Variants in IGF1R observed in about 807,000 individuals in gnomAD.
IGF1R encodes insulin-like growth factor 1 receptor.
IGF1R carries 44 observed loss-of-function variants against 144.6 expected under a neutral mutation model. The observed-to-expected ratio is 0.30, with a 90% CI of 0.24 to 0.39. The LOEUF (loss-of-function observed/expected upper bound fraction) is 0.39, where lower values mean the gene tolerates loss of function less well. IGF1R is among the 10% of genes least tolerant of loss of function. The pLI is 1.00. For missense variants in IGF1R, 1,355 were observed against 1,833.7 expected (o/e 0.74, Z 4.77); for synonymous variants, 795 against 722.8 (o/e 1.10, Z -1.60).
chr15:98,779,728 G>C (rs917167428), intron 2 of IGF1R, among the ~76,000 whole-genome samples: 3 of 152,170 alleles, frequency 2.0e-5, no homozygotes, highest in East Asian at 1.9e-4. Flanking sequence ...AGGACATTCC[G>C]TCTGCGGGGA....
chr15:98,936,585 A>AT (rs2151710184), intron 17 of IGF1R, among the ~76,000 whole-genome samples: 1 of 150,080 alleles, frequency 6.7e-6, no homozygotes, highest in Non-Finnish European at 1.5e-5. Context: ...CCCTTTGGAA[A>AT]TTCTTTTGCT....
rs144670460 is a variant in IGF1R, at chr15:98,845,369, C to G, written c.641-45956C>G. Among the ~76,000 whole-genome samples, 962 of 150,444 alleles carry G rather than the reference C, an allele frequency of 6.4e-3. 11 individuals are homozygous for G. Among genetic ancestry groups the G allele is most frequent in the African/African-American group, 0.022 (902 of 40,856 alleles). ...TCCCAACTTCCCTTCTCATATTCTT[C>G]TCTCTCCTCCTCCTCCCCTCCCTCC... On this transcript the variant is annotated intron_variant, in intron 2 of 20. Transcript: ENST00000650285.
At chr15:98,733,175 T>C (rs1345374817) in intron 2 of IGF1R, among the ~76,000 whole-genome samples, 1 of 152,152 alleles carries the variant, frequency 6.6e-6, no homozygotes, top group Non-Finnish European at 1.5e-5. Flanking sequence ...TGAAGGCTCC[T>C]CCGAGTCTCC....
intron 1 of IGF1R, among the ~76,000 whole-genome samples, chr15:98,653,796 A>G (rs1268437526): frequency 2.0e-5 from 3 of 152,156 alleles, no homozygotes; most frequent in Non-Finnish European, 4.4e-5. Context: ...TTGTTGCAAG[A>G]TCAGGGCAGT....
chr15:98,919,412 G>A (rs1407099268), intron 10 of IGF1R, among the ~76,000 whole-genome samples: 3 of 152,182 alleles, frequency 2.0e-5, no homozygotes, highest in African/African-American at 7.2e-5. Flanking sequence ...CAGGAGGTTC[G>A]GGTTGTGAGT....
chr15:98,864,595 A>G (rs983110368), intron 2 of IGF1R, among the ~76,000 whole-genome samples: 1 of 152,172 alleles, frequency 6.6e-6, no homozygotes, highest in African/African-American at 2.4e-5. Flanking sequence ...TGTGTTGCCC[A>G]GGTCCCTCTT....
At chr15:98,661,915 T>C (rs1277242928) in intron 1 of IGF1R, among the ~76,000 whole-genome samples, 2 of 150,188 alleles carry the variant, frequency 1.3e-5, no homozygotes, top group African/African-American at 4.9e-5. Flanking sequence ...CAGTCCTCCT[T>C]CCCCACAACA....
chr15:98,654,073 A>T (rs1442255972), intron 1 of IGF1R, among the ~76,000 whole-genome samples: 2 of 152,232 alleles, frequency 1.3e-5, no homozygotes, highest in South Asian at 4.1e-4. Context: ...TATAGGGTGC[A>T]GTTTTCAAGT....
At chr15:98,835,396 C>G (rs1271745086) in intron 2 of IGF1R, among the ~76,000 whole-genome samples, 1 of 152,196 alleles carries the variant, frequency 6.6e-6, no homozygotes. Flanking sequence ...CTTACCCTTT[C>G]AAAGCAAGTT....
intron 2 of IGF1R, among the ~76,000 whole-genome samples, chr15:98,888,466 T>TGTGTGTG (rs369692205): frequency 2.0e-5 from 3 of 151,852 alleles, no homozygotes; most frequent in East Asian, 1.9e-4. Flanking sequence ...TGTGTGTGTG[T>TGTGTGTG]TTACAGAAAA....
rs1478921309 is a variant in IGF1R at position 98,701,636 on chromosome 15, GC to G, written c.95-5924del. ...TTACAGGCATGAGCCGCCGCACCCG[GC>G]CAACCTATCCCATATTTTTAAAGAA... On this transcript the variant is annotated intron_variant, in intron 1 of 20. Coordinates refer to ENST00000650285, the MANE Select transcript of IGF1R (RefSeq NM_000875.5). 3.3e-5 allele frequency among the ~76,000 whole-genome samples: 5 copies of G among 152,174 alleles called. No individual in the cohort carries two copies. The East Asian group carries it at 9.7e-4, about 29-fold the overall frequency.
intron 1 of IGF1R, among the ~76,000 whole-genome samples, chr15:98,674,622 C>T (rs976631617): frequency 7.2e-5 from 11 of 152,020 alleles, no homozygotes; most frequent in Admixed American, 2.6e-4. Flanking sequence ...ATTTGCCTGC[C>T]GCCAGACACT....
rs398058004 is a variant in IGF1R at position 98,959,970 on chromosome 15, G to GGTGTGT, written c.*2537_*2542dup. Reference sequence around the variant, plus strand: ...TTATGAATTTAAATTTCAAGGAAAGGGTGTGTGTGTGTGTATGTGTGGGGT... The same window carrying GGTGTGT: ...TTATGAATTTAAATTTCAAGGAAAGGGTGTGTGTGTGTGTGTGTGTATGTGTGGGGT... On this transcript the variant is annotated 3_prime_UTR_variant, in exon 21 of 21. Transcript: ENST00000650285. 21 of 232,118 alleles carry GGTGTGT rather than the reference G, an allele frequency of 9.0e-5. No homozygotes were observed. The highest frequency in any genetic ancestry group is 4.4e-4 in the African/African-American group (20 of 45,224). The allele number at this position is 232,118 out of a possible 1,614,324, so 14.4% of individuals were successfully genotyped here. A position where few individuals can be genotyped will look rare whatever the true frequency, so the allele number is the denominator to read the frequency against.
intron 2 of IGF1R, among the ~76,000 whole-genome samples, chr15:98,887,689 G>A (rs1357694611): frequency 1.3e-5 from 2 of 152,212 alleles, no homozygotes; most frequent in East Asian, 3.8e-4. Context: ...TGACGAGCGG[G>A]AATGTGAGCG....
chr15:98,793,304 T>C (rs934871494), intron 2 of IGF1R, among the ~76,000 whole-genome samples: 2 of 152,252 alleles, frequency 1.3e-5, no homozygotes, highest in Non-Finnish European at 2.9e-5. Flanking sequence ...AAATCTTGTG[T>C]TGTCAATAAA....
At chr15:98,849,730 C>T (rs2011468474) in intron 2 of IGF1R, among the ~76,000 whole-genome samples, 1 of 152,144 alleles carries the variant, frequency 6.6e-6, no homozygotes, top group Non-Finnish European at 1.5e-5. Context: ...AAGAGGCTAA[C>T]AGTTCAATAG....
At chr15:98,942,649 T>C (rs1344594385) in intron 18 of IGF1R, among the ~76,000 whole-genome samples, 3 of 152,192 alleles carry the variant, frequency 2.0e-5, no homozygotes, top group Non-Finnish European at 2.9e-5. Flanking sequence ...CTGCCTCTCA[T>C]TTAAATGCAA....
At chr15:98,884,553 G>A (rs534174609) in intron 2 of IGF1R, among the ~76,000 whole-genome samples, 1 of 151,940 alleles carries the variant, frequency 6.6e-6, no homozygotes, top group Non-Finnish European at 1.5e-5. Context: ...AATTAGCTGG[G>A]CATGGTGGCG....
At chr15:98,930,194 G>C in intron 14 of IGF1R, 41 bp from the exon 15 acceptor site, 1 of 1,335,804 alleles carries the variant, frequency 7.5e-7, no homozygotes, top group Non-Finnish European at 1.1e-6. Flanking sequence ...GGAATGTATG[G>C]AGGTGGGGTT....
Sources: allele counts gnomAD v4.1 joint callset (sites outside exome capture counted in the v4.1 genomes callset), GRCh38; gene constraint gnomAD v4.1.1; transcripts MANE v1.5; gene names NCBI Gene and HGNC (gene_info 2026-07-23, HGNC 2026-07-21).